Variants in ABLIM1 observed in about 807,000 individuals in gnomAD.
The protein encoded by ABLIM1 is actin-binding LIM protein 1.
Under a neutral mutation model 107.0 loss-of-function variants are expected in ABLIM1, and 40 were observed. That is an observed-to-expected ratio of 0.37 (90% CI 0.29 to 0.49). The LOEUF is 0.49. ABLIM1 is among the 20% of genes least tolerant of loss of function. The probability of loss-of-function intolerance (pLI) is 0.97; values close to 1 mark genes in which losing one functional copy is unlikely to be tolerated. For synonymous variants in ABLIM1, 357 were observed against 357.3 expected (o/e 1.00, Z 0.01); for missense variants, 857 against 1,008.5 (o/e 0.85, Z 2.04).
intron 1 of ABLIM1, among the ~76,000 whole-genome samples, chr10:114,713,322 A>C (rs1242077652): frequency 6.6e-6 from 1 of 152,206 alleles, no homozygotes; most frequent in African/African-American, 2.4e-5. Flanking sequence ...CAAAGATCCC[A>C]CTTCTCATAA....
In ABLIM1 at chr10:114,576,710, C is replaced by T. The variant is rs141394205; in HGVS notation, c.380-1111G>A. ...AGGACTCTTCACTAACTACAAGCTA[C>T]GGAAGACGTTCAAGGTGATCCAAAA... On this transcript the variant is annotated intron_variant, in intron 2 of 22. Coordinates refer to ENST00000533213, the MANE Select transcript of ABLIM1 (RefSeq NM_002313.7). 1.4e-3 allele frequency among the ~76,000 whole-genome samples: 207 copies of T among 152,242 alleles called. 2 individuals carry two copies. Among genetic ancestry groups the T allele is most frequent in the Middle Eastern group, 3.4e-3 (1 of 294 alleles).
At chr10:114,501,649 C>G (rs1191369941) in intron 6 of ABLIM1, among the ~76,000 whole-genome samples, 1 of 152,196 alleles carries the variant, frequency 6.6e-6, no homozygotes, top group Non-Finnish European at 1.5e-5. Context: ...TTAAAGACAA[C>G]TATTCCAAAT....
chr10:114,660,704 C>A (rs1159453747), upstream of ABLIM1, among the ~76,000 whole-genome samples: 2 of 152,154 alleles, frequency 1.3e-5, no homozygotes, highest in Non-Finnish European at 2.9e-5. Flanking sequence ...AAACTGAGAA[C>A]CTGAGCAGCT....
Position 114,465,768 on chromosome 10 carries a change from G to A in ABLIM1, c.1371C>T (p.Asn457=), listed in dbSNP as rs754211218. 5 of 1,614,080 alleles carry A rather than the reference G, an allele frequency of 3.1e-6. No homozygotes were observed. Among genetic ancestry groups the A allele is most frequent in the Non-Finnish European group, 4.2e-6 (5 of 1,179,980 alleles). The part of the protein sequence containing the change: ...IHRSTSQGSI[N]SPVYSRHSYT... ...AGCTGTGGCGGCTGTACACAGGGGA[G>A]TTGATGGAGCCCTGGCTCGTGGACC... Residue 457 remains asparagine, a synonymous_variant, in exon 12 of 23, where the codon AAC becomes AAT. Coordinates refer to ENST00000533213, the MANE Select transcript of ABLIM1 (RefSeq NM_002313.7).
chr10:114,769,172 GAAAAAAAAAA>G (rs35691537), upstream of ABLIM1, among the ~76,000 whole-genome samples: 3 of 46,518 alleles, frequency 6.4e-5, no homozygotes, highest in South Asian at 1.3e-3. Context: ...TGTCTTCAAT[GAAAAAAAAAA>G]AAAAAAAAAA....
In ABLIM1 at chr10:114,658,177, C is replaced by G; in HGVS notation, c.24G>C (p.Lys8Asn). 6.2e-7 allele frequency: 1 copy of G among 1,609,438 alleles called. No individual in the cohort carries two copies. Among genetic ancestry groups the G allele is most frequent in the Non-Finnish European group, 8.5e-7 (1 of 1,176,446 alleles). MPAFLGL[K>N]CLGKLCSSEK... ...CAGAGCTGCACAATTTCCCCAGACA[C>G]TTTAGACCAAGGAAGGCAGGCATCT... Residue 8 changes from lysine (K) to asparagine (N), a missense_variant, in exon 1 of 23, where the codon AAG (lysine) becomes AAC (asparagine). Lys to Asn is a moderately conservative substitution (Grantham distance 94). Coordinates refer to ENST00000533213, the MANE Select transcript of ABLIM1 (RefSeq NM_002313.7).
At chr10:114,444,613 C>T (rs573489089) in intron 16 of ABLIM1, among the ~76,000 whole-genome samples, 197 of 152,122 alleles carry the variant, frequency 1.3e-3, no homozygotes, top group Admixed American at 2.2e-3. Flanking sequence ...ATAACACTAT[C>T]TTTTGATTTA....
At chr10:114,690,226 CAAT>C in intron 1 of ABLIM1, 1 of 1,466,734 alleles carries the variant, frequency 6.8e-7, no homozygotes, top group Non-Finnish European at 9.5e-7. Flanking sequence ...GTGGCCTCCA[CAAT>C]ATTTATGCCT....
At chr10:114,720,966 C>T (rs1184979927) in intron 1 of ABLIM1, among the ~76,000 whole-genome samples, 1 of 152,134 alleles carries the variant, frequency 6.6e-6, no homozygotes, top group Non-Finnish European at 1.5e-5. Context: ...GGTCTGAGAC[C>T]CCAGTCCCTA....
chr10:114,451,128 G>A (rs555591885), intron 14 of ABLIM1, among the ~76,000 whole-genome samples: 1 of 152,266 alleles, frequency 6.6e-6, no homozygotes, highest in South Asian at 2.1e-4. Context: ...CTTGACCTCT[G>A]TGTTAGCCTG....
chr10:114,491,354 G>C lies in ABLIM1; in HGVS notation c.982+437C>G, dbSNP rs375584527. Among the ~76,000 whole-genome samples the C allele has an allele frequency of 4.2e-4, 64 of 152,148 alleles. No individual in the cohort carries two copies. In the Middle Eastern group the frequency reaches 0.01, roughly 24 times the overall value. On this transcript the variant is annotated intron_variant, in intron 7 of 22. Coordinates refer to ENST00000533213, the MANE Select transcript of ABLIM1 (RefSeq NM_002313.7). ...AACCCAGAGAACAGCAGCCTGGGAG[G>C]CCTCAAAAAGCCCTTCTCACAGGAG...
Position 114,606,481 on chromosome 10 carries a change from G to A in ABLIM1, c.245-4520C>T, listed in dbSNP as rs533864679. On this transcript the variant is annotated intron_variant, in intron 1 of 22. Transcript: ENST00000533213. The stretch of plus-strand genomic sequence containing the variant: ...GATCTCTTGACCTTGTGATCCGCCC[G>A]CCGTGGCCTCCCAAAGTGCTGAGAT... Among the ~76,000 whole-genome samples, 38 of 152,166 alleles carry A rather than the reference G, an allele frequency of 2.5e-4. 2 individuals are homozygous for A. The South Asian group carries it at 5.8e-3, about 23-fold the overall frequency.
At chr10:114,569,395 C>A (rs1252708590) in intron 4 of ABLIM1, among the ~76,000 whole-genome samples, 2 of 151,980 alleles carry the variant, frequency 1.3e-5, no homozygotes, top group African/African-American at 4.8e-5. Context: ...TCTCGGCTCA[C>A]TGCAACCTCT....
intron 12 of ABLIM1, among the ~76,000 whole-genome samples, chr10:114,464,001 T>C (rs927359716): frequency 3.9e-5 from 6 of 152,072 alleles, no homozygotes; most frequent in Non-Finnish European, 4.4e-5. Context: ...TTGGAACAGA[T>C]GGAAACTTTC....
At chr10:114,684,321 C>T (rs184101248) in exon 1 of ABLIM1, 15 of 1,613,932 alleles carry the variant, frequency 9.3e-6, no homozygotes, top group African/African-American at 6.7e-5. Context: ...GATGAGGGTC[C>T]GTGAGCTCAG....
At chr10:114,648,527 T>C (rs1459628849) in intron 1 of ABLIM1, among the ~76,000 whole-genome samples, 4 of 152,134 alleles carry the variant, frequency 2.6e-5, no homozygotes, top group African/African-American at 9.7e-5. Context: ...AGCTGAGGAA[T>C]GTGAGTCATC....
intron 12 of ABLIM1, chr10:114,465,350 C>T (rs4751560): frequency 0.37 from 63,765 of 171,438 alleles, 11,965 homozygotes; most frequent in Middle Eastern, 0.42. Context: ...GTTGGTATGC[C>T]TAAAAAGCAC....
At chr10:114,521,784 T>C (rs1248620723) in intron 6 of ABLIM1, among the ~76,000 whole-genome samples, 1 of 152,112 alleles carries the variant, frequency 6.6e-6, no homozygotes. Context: ...TTCGGGGATA[T>C]GATAGTACCT....
chr10:114,787,667 C>A, the ABLIM1 span, among the ~76,000 whole-genome samples: 4 of 113,042 alleles, frequency 3.5e-5, no homozygotes, highest in Non-Finnish European at 5.8e-5. Context: ...AAGTGAGGAG[C>A]CCCTCTGCCC....
Sources: gnomAD v4.1 joint callset for allele counts (sites outside exome capture counted in the v4.1 genomes callset) on GRCh38, gnomAD v4.1.1 for gene constraint, MANE v1.5 for transcripts, NCBI Gene and HGNC (gene_info 2026-07-23, HGNC 2026-07-21) for gene names.